CDH13: variants seen among roughly 807,000 people sequenced by gnomAD.
The protein encoded by CDH13 is cadherin-13.
A neutral mutation model predicts 63.8 loss-of-function variants in CDH13; 24 were observed. That is an observed-to-expected ratio of 0.38 (90% CI 0.27 to 0.53). The LOEUF (loss-of-function observed/expected upper bound fraction) is 0.53, where lower values mean the gene tolerates loss of function less well. CDH13 is among the 20% of genes least tolerant of loss of function. The pLI is 0.85. For missense variants in CDH13, 1,049 were observed against 903.1 expected, an observed-to-expected ratio of 1.16 and a Z score of -2.07; for synonymous variants, 503 against 355.3, an observed-to-expected ratio of 1.42 and a Z score of -4.67.
chr16:83,629,105 A>G (rs1910564892), intron 8 of CDH13, among the ~76,000 whole-genome samples: 1 of 152,234 alleles, frequency 6.6e-6, no homozygotes. Context: ...GTAACAGACT[A>G]GATTCATTTC....
chr16:83,061,697 C>A (rs983781463), intron 3 of CDH13, among the ~76,000 whole-genome samples: 1 of 152,096 alleles, frequency 6.6e-6, no homozygotes, highest in Admixed American at 6.6e-5. Flanking sequence ...CAGTTAAACT[C>A]CAGTGAGCTA....
intron 6 of CDH13, among the ~76,000 whole-genome samples, chr16:83,404,076 C>G (rs781321610): frequency 6.6e-6 from 1 of 152,040 alleles, no homozygotes; most frequent in African/African-American, 2.4e-5. Context: ...ATTAAAAATC[C>G]CACAAAAAAT....
At chr16:82,721,345 C>G (rs1462923021) in intron 1 of CDH13, among the ~76,000 whole-genome samples, 1 of 152,106 alleles carries the variant, frequency 6.6e-6, no homozygotes, top group Non-Finnish European at 1.5e-5. Context: ...AACATCAATT[C>G]TGCCTTGGGG....
At chr16:82,947,601 C>A (rs1904872471) in intron 2 of CDH13, among the ~76,000 whole-genome samples, 1 of 152,044 alleles carries the variant, frequency 6.6e-6, no homozygotes, top group Admixed American at 6.5e-5. Context: ...TTTAAAAGAA[C>A]TCTTTATTCA....
chr16:83,004,522 C>T (rs1196455168), intron 2 of CDH13, among the ~76,000 whole-genome samples: 3 of 151,998 alleles, frequency 2.0e-5, no homozygotes, highest in Non-Finnish European at 2.9e-5. Context: ...GTTTTTTTCC[C>T]AAGACTGAGT....
At chr16:83,269,159 A>T (rs1186506019) in intron 5 of CDH13, among the ~76,000 whole-genome samples, 1 of 152,198 alleles carries the variant, frequency 6.6e-6, no homozygotes, top group Admixed American at 6.5e-5. Flanking sequence ...GTTTTTGGAA[A>T]TGTGAGGCTT....
At position 83,682,575 on chromosome 16, in the gene CDH13, T is replaced by C. The variant is rs528281162; in HGVS notation, c.1538+4114T>C. Among the ~76,000 whole-genome samples the C allele has an allele frequency of 1.4e-4, 21 of 152,272 alleles. No individual in the cohort carries two copies. The South Asian group carries it at 4.4e-3, about 32-fold the overall frequency. On this transcript the variant is annotated intron_variant, in intron 10 of 13. Transcript: ENST00000567109. Reference sequence around the variant, plus strand: ...GTGCGCATCCTGAGATTGACTGTGTTGGCTGTGCGGTCACCACAGTTGCTG... The same window carrying C: ...GTGCGCATCCTGAGATTGACTGTGTCGGCTGTGCGGTCACCACAGTTGCTG...
intron 1 of CDH13, among the ~76,000 whole-genome samples, chr16:82,827,286 A>T (rs1222505093): frequency 6.6e-6 from 1 of 152,136 alleles, no homozygotes; most frequent in Admixed American, 6.5e-5. Context: ...CATCTTTACT[A>T]TTTTGCATAA....
chr16:83,450,513 A>G (rs758748476), intron 6 of CDH13, among the ~76,000 whole-genome samples: 58 of 152,220 alleles, frequency 3.8e-4, no homozygotes, highest in Non-Finnish European at 7.5e-4. Flanking sequence ...CATGCCAAAT[A>G]CAGCTGTATC....
intron 1 of CDH13, among the ~76,000 whole-genome samples, chr16:82,831,590 C>T (rs1485540262): frequency 1.3e-5 from 2 of 152,154 alleles, no homozygotes; most frequent in African/African-American, 4.8e-5. Context: ...GTGGACCACA[C>T]TACCCGAAGA....
intron 7 of CDH13, among the ~76,000 whole-genome samples, chr16:83,576,471 CATACATGTATT>C (rs1905092395): frequency 6.6e-6 from 1 of 152,200 alleles, no homozygotes; most frequent in Admixed American, 6.5e-5. Context: ...TGAACGTGTG[CATACATGTATT>C]TCTTTGAGTG....
intron 1 of CDH13, among the ~76,000 whole-genome samples, chr16:82,731,047 C>T (rs1416227327): frequency 2.0e-5 from 3 of 152,158 alleles, no homozygotes; most frequent in African/African-American, 7.2e-5. Flanking sequence ...AACAGCTGCT[C>T]ATAGCTGCCA....
At chr16:83,029,542 T>G (rs1916115571) in intron 2 of CDH13, among the ~76,000 whole-genome samples, 1 of 152,176 alleles carries the variant, frequency 6.6e-6, no homozygotes, top group African/African-American at 2.4e-5. Context: ...TTATAGTGAT[T>G]AGAATAAACT....
intron 2 of CDH13, among the ~76,000 whole-genome samples, chr16:82,893,660 G>A (rs8055355): frequency 0.74 from 112,101 of 151,968 alleles, 41,463 homozygotes; most frequent in East Asian, 0.83. Flanking sequence ...CTGAGCGAAA[G>A]CTCAGGAAGC....
intron 13 of CDH13, among the ~76,000 whole-genome samples, chr16:83,790,913 G>T (rs1367588955): frequency 6.6e-6 from 1 of 152,182 alleles, no homozygotes. Context: ...ACCAGTATTA[G>T]CAAGAATGTA....
At chr16:82,672,999 C>CTGTTTTTTTTTTTTTT (rs1913454469) in intron 1 of CDH13, among the ~76,000 whole-genome samples, 1 of 81,268 alleles carries the variant, frequency 1.2e-5, no homozygotes, top group Non-Finnish European at 2.1e-5. Flanking sequence ...ATAAAGTTTT[C>CTGTTTTTTTTTTTTTT]TTTTTTTTTT....
At chr16:82,837,817 G>A (rs1034458332) in intron 1 of CDH13, among the ~76,000 whole-genome samples, 4 of 152,132 alleles carry the variant, frequency 2.6e-5, no homozygotes, top group African/African-American at 4.8e-5. Context: ...AGCATAAACC[G>A]AATAGTTCAT....
chr16:83,508,991 G>T (rs1357377164), intron 7 of CDH13, among the ~76,000 whole-genome samples: 1 of 152,174 alleles, frequency 6.6e-6, no homozygotes, highest in African/African-American at 2.4e-5. Context: ...AGCTCTGTGT[G>T]CATGAGTGCC....
chr16:83,486,986 G>A (rs1400946332), intron 7 of CDH13, among the ~76,000 whole-genome samples: 1 of 152,110 alleles, frequency 6.6e-6, no homozygotes, highest in African/African-American at 2.4e-5. Context: ...GAGAGGGAAG[G>A]ACAAGGGAAG....
Sources: gnomAD v4.1 joint callset for allele counts (sites outside exome capture counted in the v4.1 genomes callset) on GRCh38, gnomAD v4.1.1 for gene constraint, MANE v1.5 for transcripts, NCBI Gene and HGNC (gene_info 2026-07-23, HGNC 2026-07-21) for gene names.